ZFYVE9: variants seen among roughly 807,000 people sequenced by gnomAD.
The protein encoded by ZFYVE9 is zinc finger FYVE-type containing 9, also known as zinc finger FYVE domain-containing protein 9.
A neutral mutation model predicts 126.7 loss-of-function variants in ZFYVE9; 43 were observed. That is an observed-to-expected ratio of 0.34 (90% CI 0.27 to 0.44). The LOEUF is 0.44. Among genes scored for constraint, ZFYVE9 ranks in the 20% least tolerant of loss-of-function variants. The pLI is 1.00. For missense variants in ZFYVE9, 1,476 were observed against 1,697.0 expected (o/e 0.87, Z 2.29); for synonymous variants, 521 against 597.4 (o/e 0.87, Z 1.87).
intron 1 of ZFYVE9, among the ~76,000 whole-genome samples, chr1:52,202,931 C>G (rs1000805725): frequency 6.6e-6 from 1 of 151,968 alleles, no homozygotes; most frequent in African/African-American, 2.4e-5. Context: ...GGTGATCCCC[C>G]CATCTTGGCC....
chr1:52,303,739 C>T, intron 12 of ZFYVE9, 82 bp from the exon 13 acceptor site: 13 of 821,238 alleles, frequency 1.6e-5, no homozygotes, highest in South Asian at 8.9e-5. Flanking sequence ...ACATTTTTTC[C>T]ATTCGTGTTA....
In ZFYVE9 at chr1:52,346,286, G is replaced by A. The variant is rs1216055261; in HGVS notation, c.*65G>A. 3.6e-6 allele frequency: 5 copies of A among 1,392,176 alleles called. No individual in the cohort carries two copies. Among genetic ancestry groups the A allele is most frequent in the Non-Finnish European group, 4.7e-6 (5 of 1,052,652 alleles). The allele number at this position is 1,392,176 out of a possible 1,614,324, so 86.2% of individuals were successfully genotyped here. Reference sequence around the variant, plus strand: ...AACAGCAGTCATACCCAAATCATTTGCACTTTAAAACTGGAAGATTAAGCT... The same window carrying A: ...AACAGCAGTCATACCCAAATCATTTACACTTTAAAACTGGAAGATTAAGCT... On this transcript the variant is annotated 3_prime_UTR_variant, in exon 19 of 19. Transcript: ENST00000287727.
chr1:52,213,334 A>G (rs1645044295), intron 1 of ZFYVE9, among the ~76,000 whole-genome samples: 1 of 152,138 alleles, frequency 6.6e-6, no homozygotes, highest in Non-Finnish European at 1.5e-5. Flanking sequence ...CACTTCTCAA[A>G]GGTAAGAATG....
chr1:52,336,089 G>T (rs902944723), intron 15 of ZFYVE9, among the ~76,000 whole-genome samples: 3 of 151,762 alleles, frequency 2.0e-5, no homozygotes, highest in African/African-American at 7.3e-5. Flanking sequence ...AGCTGAGATT[G>T]TGCCATTGTA....
chr1:52,232,009 A>G (rs11205942), intron 2 of ZFYVE9, among the ~76,000 whole-genome samples: 5,576 of 152,310 alleles, frequency 0.037, 254 homozygotes, highest in African/African-American at 0.11. Flanking sequence ...TGACACTTAT[A>G]TACCTCAGAG....
At chr1:52,146,958 G>A (rs927129112) in intron 1 of ZFYVE9, among the ~76,000 whole-genome samples, 1 of 152,132 alleles carries the variant, frequency 6.6e-6, no homozygotes, top group Non-Finnish European at 1.5e-5. Context: ...AACTTTTTGA[G>A]CACTGACATG....
chr1:52,306,322 G>A (rs1006195902), intron 13 of ZFYVE9, among the ~76,000 whole-genome samples: 5 of 152,050 alleles, frequency 3.3e-5, no homozygotes, highest in African/African-American at 9.7e-5. Context: ...ACCTGCAGAC[G>A]CTGAGATGAC....
At chr1:52,189,101 C>A (rs1367781578) in intron 1 of ZFYVE9, among the ~76,000 whole-genome samples, 1 of 151,602 alleles carries the variant, frequency 6.6e-6, no homozygotes, top group African/African-American at 2.4e-5. Flanking sequence ...CCACGCCTGG[C>A]TAATTTTGTA....
chr1:52,324,252 AACAC>A (rs11468199), intron 13 of ZFYVE9, among the ~76,000 whole-genome samples: 7 of 150,014 alleles, frequency 4.7e-5, no homozygotes, highest in Non-Finnish European at 7.4e-5. Context: ...CTGTCTCAAA[AACAC>A]ACACACACAC....
At chr1:52,218,269 A>G (rs1403706492) in intron 2 of ZFYVE9, among the ~76,000 whole-genome samples, 2 of 151,746 alleles carry the variant, frequency 1.3e-5, no homozygotes, top group African/African-American at 4.8e-5. Context: ...GTCCCCCACA[A>G]TACCACCATA....
intron 18 of ZFYVE9, among the ~76,000 whole-genome samples, chr1:52,345,218 T>G (rs956099734): frequency 6.6e-6 from 1 of 152,220 alleles, no homozygotes; most frequent in Admixed American, 6.5e-5. Flanking sequence ...GAGCATGTGG[T>G]AGGACCTGCC....
At chr1:52,243,157 A>G (rs920634887) in intron 4 of ZFYVE9, among the ~76,000 whole-genome samples, 3 of 152,234 alleles carry the variant, frequency 2.0e-5, no homozygotes, top group Non-Finnish European at 4.4e-5. Context: ...ACAAACACTG[A>G]GTGCCTGTTA....
chr1:52,334,561 G>T (rs1033808692), intron 14 of ZFYVE9, 127 bp from the exon 15 acceptor site: 57 of 877,198 alleles, frequency 6.5e-5, no homozygotes, highest in Non-Finnish European at 1.2e-5. Context: ...GTGGAATATA[G>T]ATTTGATTTT....
At chr1:52,298,054 C>G (rs538075595) in intron 12 of ZFYVE9, among the ~76,000 whole-genome samples, 1 of 152,100 alleles carries the variant, frequency 6.6e-6, no homozygotes, top group Non-Finnish European at 1.5e-5. Flanking sequence ...GATATTAACT[C>G]CTTTTCAGAT....
In ZFYVE9 at chr1:52,288,418, G is replaced by T. The variant is rs186316804; in HGVS notation, c.3026-5035G>T. ...GGGCCCAAGTGATCCTTCCTCCTCA[G>T]CCTCCCAAGGGGCTGGGATTACAGG... On this transcript the variant is annotated intron_variant, in intron 10 of 18. Coordinates refer to ENST00000287727, the MANE Select transcript of ZFYVE9 (RefSeq NM_004799.4). Among the ~76,000 whole-genome samples the T allele has an allele frequency of 1.2e-4, 18 of 152,184 alleles. No individual in the cohort carries two copies. The East Asian group carries it at 3.1e-3, about 26-fold the overall frequency.
chr1:52,177,608 A>G (rs1644648318), intron 1 of ZFYVE9, among the ~76,000 whole-genome samples: 1 of 152,240 alleles, frequency 6.6e-6, no homozygotes, highest in African/African-American at 2.4e-5. Flanking sequence ...AAATATGTAA[A>G]TGAGTAAATA....
chr1:52,202,141 A>G (rs1236300650), intron 1 of ZFYVE9, among the ~76,000 whole-genome samples: 3 of 152,148 alleles, frequency 2.0e-5, no homozygotes, highest in South Asian at 2.1e-4. Flanking sequence ...ATAGGGGTAC[A>G]GATTTTTAGG....
At chr1:52,305,284 T>TA (rs1305485829) in intron 13 of ZFYVE9, among the ~76,000 whole-genome samples, 2 of 151,912 alleles carry the variant, frequency 1.3e-5, no homozygotes, top group Non-Finnish European at 2.9e-5. Context: ...CTACTAAAAA[T>TA]ACAAACATTG....
chr1:52,162,587 A>G (rs1644472414), intron 1 of ZFYVE9: 1 of 258,560 alleles, frequency 3.9e-6, no homozygotes, highest in South Asian at 6.5e-5. Context: ...CATTGGCACC[A>G]TTCAAAGGTC....
Sources: allele counts gnomAD v4.1 joint callset (sites outside exome capture counted in the v4.1 genomes callset), GRCh38; gene constraint gnomAD v4.1.1; transcripts MANE v1.5; gene names NCBI Gene and HGNC (gene_info 2026-07-23, HGNC 2026-07-21).